Variants in FRYL observed in about 807,000 individuals in gnomAD.
FRYL encodes FRY like transcription coactivator.
In FRYL, 150 loss-of-function variants were observed where a neutral mutation model predicts 351.2. The ratio of observed to expected loss-of-function variants is 0.43; its 90% CI spans 0.37 to 0.49. The LOEUF (loss-of-function observed/expected upper bound fraction) is 0.49. FRYL is among the 20% of genes least tolerant of loss of function. The pLI is 0.00. For synonymous variants in FRYL, 1,153 were observed against 1,257.1 expected (o/e 0.92, Z 1.75); for missense variants, 3,036 against 3,619.3 (o/e 0.84, Z 4.13).
At chr4:48,534,417 A>G (rs1236545800) in intron 49 of FRYL, 128 bp downstream of exon 49, 12 of 721,570 alleles carry the variant, frequency 1.7e-5, no homozygotes, top group Non-Finnish European at 2.8e-5. Context: ...TACTGCAAAT[A>G]TCCTGAAAAC....
chr4:48,699,337 T>C (rs565398947), intron 2 of FRYL, among the ~76,000 whole-genome samples: 1 of 152,320 alleles, frequency 6.6e-6, no homozygotes, highest in East Asian at 1.9e-4. Flanking sequence ...TTTAAATATT[T>C]CATGAAAACA....
intron 1 of FRYL, among the ~76,000 whole-genome samples, chr4:48,725,827 T>C (rs924623442): frequency 1.3e-5 from 2 of 151,780 alleles, no homozygotes; most frequent in African/African-American, 2.4e-5. Context: ...TGTTAATCTC[T>C]TACTGCGCCT....
intron 7 of FRYL, chr4:48,617,647 G>C (rs1008299583): frequency 7.2e-5 from 11 of 151,994 alleles, no homozygotes; most frequent in African/African-American, 2.7e-4. Flanking sequence ...AAGAGGAGGA[G>C]GAGGGCTACA....
At chr4:48,502,724 AG>A (rs1169051041) in intron 61 of FRYL, 103 bp downstream of exon 61, 3 of 828,120 alleles carry the variant, frequency 3.6e-6, no homozygotes, top group Non-Finnish European at 6.0e-6. Context: ...CTTGTAAAGT[AG>A]TCCACGAGAA....
At chr4:48,625,151 T>A (rs1451809840) in intron 4 of FRYL, among the ~76,000 whole-genome samples, 1 of 152,172 alleles carries the variant, frequency 6.6e-6, no homozygotes, top group African/African-American at 2.4e-5. Context: ...CTATAATAAA[T>A]CAATCTCTCT....
chr4:48,661,543 A>G (rs754941398), intron 3 of FRYL, among the ~76,000 whole-genome samples: 8 of 152,212 alleles, frequency 5.3e-5, no homozygotes, highest in Non-Finnish European at 8.8e-5. Flanking sequence ...CAACTATCTA[A>G]GCACTCCTTA....
chr4:48,621,415 A>G (rs181920348), intron 5 of FRYL, among the ~76,000 whole-genome samples: 1 of 152,308 alleles, frequency 6.6e-6, no homozygotes. Flanking sequence ...AAATGATCTG[A>G]ATTCTAGGTA....
intron 1 of FRYL, among the ~76,000 whole-genome samples, chr4:48,750,761 T>G (rs1406710802): frequency 6.6e-6 from 1 of 152,042 alleles, no homozygotes; most frequent in Non-Finnish European, 1.5e-5. Flanking sequence ...GGATCAAGAG[T>G]TCAATTTGAC....
rs1767886242 is a variant in FRYL, at chr4:48,710,512, T to A, written c.-204+7A>T. On this transcript the variant is annotated splice_region_variant and intron_variant, in intron 2 of 63. Coordinates refer to ENST00000358350, the MANE Select transcript of FRYL (RefSeq NM_015030.2). ...GCCTAGAAAAGAGGAAATATACATG[T>A]CCTTACCACTTAGAAATGGTTGTTG... 2.5e-6 allele frequency: 1 copy of A among 398,466 alleles called. No homozygotes were observed. The allele number at this position is 398,466 out of a possible 1,614,324, so 24.7% of individuals were successfully genotyped here. A position where few individuals can be genotyped will look rare whatever the true frequency, so the allele number is the denominator to read the frequency against.
chr4:48,687,642 A>C (rs2149552315), intron 2 of FRYL, among the ~76,000 whole-genome samples: 1 of 152,304 alleles, frequency 6.6e-6, no homozygotes, highest in South Asian at 2.1e-4. Context: ...GAAATGCCAC[A>C]AATTTATCTT....
intron 19 of FRYL, among the ~76,000 whole-genome samples, chr4:48,583,701 G>A (rs550045902): frequency 4.6e-5 from 7 of 151,816 alleles, no homozygotes; most frequent in South Asian, 2.1e-4. Flanking sequence ...TCGGGAGTTC[G>A]AGACCAGCCT....
chr4:48,671,873 C>CAA (rs71191252), intron 3 of FRYL, among the ~76,000 whole-genome samples: 21 of 51,858 alleles, frequency 4.0e-4, no homozygotes, highest in East Asian at 2.4e-3. Context: ...AAAAAAAAAA[C>CAA]AAAAAAAAAA....
At chr4:48,561,199 C>T (rs1380327846) in intron 33 of FRYL, among the ~76,000 whole-genome samples, 3 of 152,122 alleles carry the variant, frequency 2.0e-5, no homozygotes, top group South Asian at 4.1e-4. Context: ...TGTGAAAAGT[C>T]GTCCCTCTTG....
chr4:48,706,574 T>C (rs1164174319), intron 2 of FRYL, among the ~76,000 whole-genome samples: 4 of 152,342 alleles, frequency 2.6e-5, no homozygotes, highest in Non-Finnish European at 4.4e-5. Context: ...TAGTGATAAT[T>C]GCACAACAAT....
chr4:48,742,208 A>AT (rs1005234758), intron 1 of FRYL, among the ~76,000 whole-genome samples: 11 of 152,190 alleles, frequency 7.2e-5, no homozygotes, highest in African/African-American at 2.4e-4. Context: ...ATGAGAAAGA[A>AT]TTTTTTTTAC....
intron 3 of FRYL, among the ~76,000 whole-genome samples, chr4:48,682,409 A>G (rs1317931227): frequency 2.0e-5 from 3 of 152,234 alleles, no homozygotes; most frequent in Non-Finnish European, 4.4e-5. Flanking sequence ...AACAAAAGCC[A>G]AAATTGACAA....
At chr4:48,597,434 T>C (rs550902838) in intron 13 of FRYL, among the ~76,000 whole-genome samples, 169 of 152,282 alleles carry the variant, frequency 1.1e-3, no homozygotes, top group African/African-American at 3.6e-3. Context: ...TGTCAATGTA[T>C]GTTTACCAGT....
intron 3 of FRYL, among the ~76,000 whole-genome samples, chr4:48,648,386 A>G (rs541621027): frequency 2.0e-5 from 3 of 152,276 alleles, no homozygotes; most frequent in African/African-American, 7.2e-5. Flanking sequence ...TCTCTGCTCC[A>G]GCCAAACCGG....
At chr4:48,596,123 A>T (rs1744532362) in intron 13 of FRYL, 123 bp from the exon 14 acceptor site, 1 of 650,320 alleles carries the variant, frequency 1.5e-6, no homozygotes, top group East Asian at 3.1e-5. Flanking sequence ...AGGTTTAAAT[A>T]CCAGGTACAT....
Sources: gnomAD v4.1 joint callset for allele counts (sites outside exome capture counted in the v4.1 genomes callset) on GRCh38, gnomAD v4.1.1 for gene constraint, MANE v1.5 for transcripts, NCBI Gene and HGNC (gene_info 2026-07-23, HGNC 2026-07-21) for gene names.